Variants in TMEM232 observed in about 807,000 individuals in gnomAD.
TMEM232 encodes the protein transmembrane protein 232.
Under a neutral mutation model 78.8 loss-of-function variants are expected in TMEM232, and 80 were observed. The observed-to-expected ratio is 1.01, with a 90% CI of 0.85 to 1.22. TMEM232 has a LOEUF of 1.22. Among genes scored for constraint, TMEM232 ranks in the 50% most tolerant of loss-of-function variants. The pLI, the probability that TMEM232 is intolerant of heterozygous loss-of-function variation, is 0.00. For synonymous variants in TMEM232, 297 were observed against 254.3 expected, an observed-to-expected ratio of 1.17 and a Z score of -1.60; for missense variants, 881 against 742.2, an observed-to-expected ratio of 1.19 and a Z score of -2.17.
At chr5:110,727,206 T>TA (rs1339767306), upstream of TMEM232, among the ~76,000 whole-genome samples, 2 of 152,224 alleles carry the variant, frequency 1.3e-5, no homozygotes, top group African/African-American at 4.8e-5. Flanking sequence ...ATAAGTCCTT[T>TA]AAAAATCCTT....
At chr5:110,483,173 G>A (rs1319725922) in intron 12 of TMEM232, among the ~76,000 whole-genome samples, 1 of 152,082 alleles carries the variant, frequency 6.6e-6, no homozygotes, top group Non-Finnish European at 1.5e-5. Flanking sequence ...CAGTAGAGTA[G>A]GGAGCAAATA....
chr5:110,511,785 C>A (rs564733515), intron 12 of TMEM232, among the ~76,000 whole-genome samples: 1 of 152,270 alleles, frequency 6.6e-6, no homozygotes, highest in East Asian at 1.9e-4. Flanking sequence ...TACTCATTAC[C>A]TTCCACTCCT....
intron 12 of TMEM232, among the ~76,000 whole-genome samples, chr5:110,522,372 C>T (rs1440420808): frequency 1.3e-5 from 2 of 152,096 alleles, no homozygotes; most frequent in Non-Finnish European, 2.9e-5. Context: ...AAAACAGGGA[C>T]AGTTTTACTT....
chr5:110,685,949 A>C (rs1039421547), intron 1 of TMEM232, among the ~76,000 whole-genome samples: 1 of 152,134 alleles, frequency 6.6e-6, no homozygotes, highest in Non-Finnish European at 1.5e-5. Flanking sequence ...AGACAAAACT[A>C]CTGCATGGTG....
At chr5:110,506,864 T>A (rs949816359) in intron 12 of TMEM232, among the ~76,000 whole-genome samples, 8 of 152,192 alleles carry the variant, frequency 5.3e-5, no homozygotes, top group African/African-American at 1.9e-4. Flanking sequence ...ATATGTAGTG[T>A]TCTGTCTATA....
chr5:110,601,399 A>G (rs2149811611), intron 10 of TMEM232, among the ~76,000 whole-genome samples: 1 of 152,318 alleles, frequency 6.6e-6, no homozygotes, highest in Non-Finnish European at 1.5e-5. Context: ...ATATTTAGAA[A>G]ACCCCACTGG....
At chr5:110,692,506 G>A (rs1056113741) in intron 1 of TMEM232, among the ~76,000 whole-genome samples, 7 of 152,314 alleles carry the variant, frequency 4.6e-5, no homozygotes, top group African/African-American at 1.4e-4. Flanking sequence ...GCGAGACATC[G>A]CCTCACACAG....
chr5:110,480,782 A>G (rs1763777074), intron 12 of TMEM232, among the ~76,000 whole-genome samples: 1 of 152,134 alleles, frequency 6.6e-6, no homozygotes, highest in African/African-American at 2.4e-5. Flanking sequence ...AAAAAGTATC[A>G]GTCAAAATAA....
chr5:110,387,716 C>G (rs953688277), intron 5 of TMEM232: 7 of 152,002 alleles, frequency 4.6e-5, no homozygotes, highest in African/African-American at 1.7e-4. Context: ...TGAAAATACC[C>G]TTCTAGATGT....
chr5:110,597,631 A>T (rs1023586588), intron 10 of TMEM232, among the ~76,000 whole-genome samples: 7 of 151,774 alleles, frequency 4.6e-5, no homozygotes, highest in Non-Finnish European at 7.4e-5. Context: ...AGGCTACAGT[A>T]ACCAAAACAG....
Position 110,618,547 on chromosome 5 carries a change from T to A in TMEM232, c.784A>T (p.Asn262Tyr), listed in dbSNP as rs1561396100. The A allele has an allele frequency of 6.5e-7, 1 of 1,548,284 alleles. No homozygotes were observed. The highest frequency in any genetic ancestry group is 2.0e-5 in the Admixed American group (1 of 49,966). Reference sequence around the variant, plus strand: ...GCAACACAGTGCCAGAGCAGGTGGTTAATTTCATATCCTCCCTGATTAAAT... The same window carrying A: ...GCAACACAGTGCCAGAGCAGGTGGTAAATTTCATATCCTCCCTGATTAAAT... ...TDSDMGGYEI[N>Y]HLLWHCVAAW... Residue 262 changes from asparagine (N) to tyrosine (Y), a missense_variant, in exon 8 of 14, where the codon AAC (asparagine) becomes TAC (tyrosine). Coordinates refer to ENST00000455884, the MANE Select transcript of TMEM232 (RefSeq NM_001039763.4).
chr5:110,431,291 G>A (rs755174368), intron 12 of TMEM232, among the ~76,000 whole-genome samples: 7 of 151,550 alleles, frequency 4.6e-5, no homozygotes, highest in African/African-American at 7.3e-5. Context: ...TCTACAAAAC[G>A]AGAGAGGCCT....
intron 12 of TMEM232, among the ~76,000 whole-genome samples, chr5:110,493,723 T>G (rs1328295316): frequency 6.6e-6 from 1 of 152,054 alleles, no homozygotes; most frequent in Non-Finnish European, 1.5e-5. Flanking sequence ...TGGGAAAAAG[T>G]ACAGACACAT....
rs75725672 is a variant in TMEM232, at chr5:110,473,194, A to T, written c.1704-48278T>A. Among the ~76,000 whole-genome samples, 1,390 of 152,130 alleles carry T rather than the reference A, an allele frequency of 9.1e-3. 21 individuals are homozygous for T. Among genetic ancestry groups the T allele is most frequent in the African/African-American group, 0.032 (1,318 of 41,568 alleles). On this transcript the variant is annotated intron_variant, in intron 12 of 13. Coordinates refer to ENST00000455884, the MANE Select transcript of TMEM232 (RefSeq NM_001039763.4). The stretch of plus-strand genomic sequence containing the variant: ...AAAATTTTTGCAAACTATACTTCTG[A>T]CAAGAGGTTAATAACCAGAATATAC...
chr5:110,390,797 C>T (rs1269595299), intron 3 of TMEM232, among the ~76,000 whole-genome samples: 1 of 152,184 alleles, frequency 6.6e-6, no homozygotes, highest in Non-Finnish European at 1.5e-5. Context: ...AAAAATGGTA[C>T]TTTGGTGATT....
chr5:110,437,635 C>T (rs1030260609), intron 12 of TMEM232, among the ~76,000 whole-genome samples: 5 of 151,780 alleles, frequency 3.3e-5, no homozygotes, highest in African/African-American at 4.8e-5. Flanking sequence ...ATATATATTA[C>T]ACAGTTAACA....
intron 7 of TMEM232, among the ~76,000 whole-genome samples, chr5:110,620,575 A>ATATCTC (rs1561399336): frequency 2.6e-4 from 17 of 65,190 alleles, no homozygotes; most frequent in African/African-American, 1.0e-3. Flanking sequence ...TATGTCTCTC[A>ATATCTC]TATCTCTCTC....
intron 2 of TMEM232, among the ~76,000 whole-genome samples, chr5:110,662,853 T>C (rs1789983070): frequency 1.3e-5 from 2 of 152,016 alleles, no homozygotes; most frequent in African/African-American, 2.4e-5. Flanking sequence ...ACATGAAAGA[T>C]AAAACAATAA....
chr5:110,468,325 GAATT>G (rs1762313946), intron 12 of TMEM232, among the ~76,000 whole-genome samples: 1 of 151,188 alleles, frequency 6.6e-6, no homozygotes, highest in Admixed American at 6.6e-5. Flanking sequence ...AAAGTTTAAA[GAATT>G]TATTACTAGC....
Sources: allele counts gnomAD v4.1 joint callset (sites outside exome capture counted in the v4.1 genomes callset), GRCh38; gene constraint gnomAD v4.1.1; transcripts MANE v1.5; gene names NCBI Gene and HGNC (gene_info 2026-07-23, HGNC 2026-07-21).